HMCN2: variants seen among roughly 807,000 people sequenced by gnomAD.
HMCN2 encodes the protein hemicentin 2.
HMCN2 carries 325 observed loss-of-function variants against 377.5 expected under a neutral mutation model. The observed-to-expected ratio is 0.86, with a 90% CI of 0.79 to 0.94. HMCN2 has a LOEUF of 0.94. Among genes scored for constraint, HMCN2 ranks in the 40% least tolerant of loss-of-function variants. The pLI, the probability that HMCN2 is intolerant of heterozygous loss-of-function variation, is 0.00. For synonymous variants in HMCN2, 2,007 were observed against 2,046.8 expected (o/e 0.98, Z 0.53); for missense variants, 4,543 against 4,725.3 (o/e 0.96, Z 1.13).
Position 130,355,843 on chromosome 9 carries a change from A to G in HMCN2, c.5244A>G (p.Val1748=), listed in dbSNP as rs1564810276. ...ELPCQASGSP[V]PTIQWLQNGR... ...CCTGCCAGGCCTCAGGCTCCCCAGTACCCACTATCCAGTGAGTCTGGGGTG... is the reference window on the plus strand; with the variant it reads ...CCTGCCAGGCCTCAGGCTCCCCAGTGCCCACTATCCAGTGAGTCTGGGGTG... The change falls in exon 33 of 98, where the codon GTA becomes GTG. Residue 1748 remains valine (V), a synonymous_variant. Transcript: ENST00000683500. 1 of 1,301,792 alleles carries G rather than the reference A, an allele frequency of 7.7e-7. No homozygotes were observed. The highest frequency in any genetic ancestry group is 1.0e-6 in the Non-Finnish European group (1 of 987,106). 80.6% of individuals were successfully genotyped at this position (1,301,792 alleles called of 1,614,324 possible). A position where few individuals can be genotyped will look rare whatever the true frequency, so the allele number is the denominator to read the frequency against.
At chr9:130,385,441 C>A (rs1588364583) in intron 59 of HMCN2, 119 bp from the exon 60 acceptor site, 7 of 577,248 alleles carry the variant, frequency 1.2e-5, no homozygotes, top group South Asian at 1.1e-4. Context: ...CTGCGCCAGC[C>A]CCCGGGGCTG....
chr9:130,411,543 T>C (rs1336753107), intron 85 of HMCN2, among the ~76,000 whole-genome samples: 2 of 137,830 alleles, frequency 1.5e-5, no homozygotes, highest in East Asian at 4.2e-4. Flanking sequence ...GAGGTTGCAG[T>C]GAGCCAAGAT....
At chr9:130,270,952 G>T (rs115785397) in intron 1 of HMCN2, among the ~76,000 whole-genome samples, 2,506 of 149,008 alleles carry the variant, frequency 0.017, 103 homozygotes, top group African/African-American at 0.057. Context: ...GTCTTCTTCA[G>T]CTCCTCAGGT....
chr9:130,336,462 G>A (rs1298676754), intron 22 of HMCN2, among the ~76,000 whole-genome samples: 1 of 152,318 alleles, frequency 6.6e-6, no homozygotes, highest in East Asian at 1.9e-4. Flanking sequence ...ACAACCCTGT[G>A]AGCATTGAGC....
intron 43 of HMCN2, among the ~76,000 whole-genome samples, chr9:130,367,082 G>T (rs761582518): frequency 2.6e-5 from 4 of 152,122 alleles, no homozygotes; most frequent in Non-Finnish European, 5.9e-5. Context: ...TAAGTGCAAG[G>T]GTCCTGGGGC....
At chr9:130,381,168 A>T (rs928520175) in intron 54 of HMCN2, among the ~76,000 whole-genome samples, 1 of 152,028 alleles carries the variant, frequency 6.6e-6, no homozygotes, top group Non-Finnish European at 1.5e-5. Flanking sequence ...CCTTACACTG[A>T]CCTCAAACAT....
At chr9:130,293,150 T>A (rs1457775057) in intron 4 of HMCN2, among the ~76,000 whole-genome samples, 2 of 152,122 alleles carry the variant, frequency 1.3e-5, no homozygotes, top group African/African-American at 4.8e-5. Flanking sequence ...TTACATTTGT[T>A]TATAAGAAAA....
intron 7 of HMCN2, 128 bp from the exon 8 acceptor site, chr9:130,298,897 A>G (rs1554933093): frequency 2.7e-6 from 1 of 363,960 alleles, no homozygotes; most frequent in East Asian, 7.5e-5. Context: ...TAGGTAGGGA[A>G]GGAGGGACCA....
At chr9:130,413,490 T>C (rs964306418) in intron 85 of HMCN2, among the ~76,000 whole-genome samples, 6 of 152,172 alleles carry the variant, frequency 3.9e-5, no homozygotes, top group Non-Finnish European at 7.3e-5. Context: ...GACAAGATGG[T>C]ATAGATGCAC....
At position 130,356,219 on chromosome 9, in the gene HMCN2, C is replaced by T. The variant is rs773254072; in HGVS notation, c.5387C>T (p.Ala1796Val). The change falls in exon 34 of 98, where the codon GCG (alanine) becomes GTG (valine). Residue 1796 changes from alanine to valine, a missense_variant. Physicochemically the swap from Ala to Val is moderately conservative, Grantham distance 64. Coordinates refer to ENST00000683500, the MANE Select transcript of HMCN2 (RefSeq NM_001291815.2). The stretch of plus-strand genomic sequence containing the variant: ...TTCGCCTGCCAGGCCACCAATGAGG[C>T]GGGCACTGCCGGGGCCGAGGTGGAG... ...GLFACQATNE[A>V]GTAGAEVEVS... 12 of 1,302,346 alleles carry T rather than the reference C, an allele frequency of 9.2e-6. No homozygotes were observed. Among genetic ancestry groups the T allele is most frequent in the Middle Eastern group, 4.4e-4 (2 of 4,552 alleles). 80.7% of individuals were successfully genotyped at this position (1,302,346 alleles called of 1,614,324 possible). A position where few individuals can be genotyped will look rare whatever the true frequency, so the allele number is the denominator to read the frequency against.
chr9:130,392,242 G>T (rs959802128), intron 66 of HMCN2, 124 bp downstream of exon 66: 3 of 654,386 alleles, frequency 4.6e-6, no homozygotes, highest in Non-Finnish European at 5.7e-6. Flanking sequence ...CCCACAGCGA[G>T]TGTGGACTGC....
rs781869591 is a variant in HMCN2 at position 130,304,714 on chromosome 9, G to A, written c.1544-16G>A. The A allele has an allele frequency of 6.6e-6, 3 of 456,900 alleles. No individual in the cohort carries two copies. The highest frequency in any genetic ancestry group is 3.2e-5 in the South Asian group (2 of 63,396). The allele number at this position is 456,900 out of a possible 1,614,324, so 28.3% of individuals were successfully genotyped here. A position where few individuals can be genotyped will look rare whatever the true frequency, so the allele number is the denominator to read the frequency against. ...GCCTCAGCTCCTTGGTTCCTCCTGT[G>A]CTCATGTCCCTGCAGACCCCCCGCC... is the stretch of plus-strand genomic sequence containing the variant. On this transcript the variant is annotated splice_polypyrimidine_tract_variant and intron_variant, in intron 10 of 97. Coordinates refer to ENST00000683500, the MANE Select transcript of HMCN2 (RefSeq NM_001291815.2). This position sits in a 1 kb window ranked among gnomAD's most constrained non-coding sequence, Gnocchi z 4.3.
chr9:130,397,515 C>T lies in HMCN2; in HGVS notation c.11199-13C>T, dbSNP rs1842664017. 3.9e-6 allele frequency: 5 copies of T among 1,289,632 alleles called. No homozygotes were observed. The highest frequency in any genetic ancestry group is 2.1e-4 in the Middle Eastern group (1 of 4,716). The allele number at this position is 1,289,632 out of a possible 1,614,324, so 79.9% of individuals were successfully genotyped here. A position where few individuals can be genotyped will look rare whatever the true frequency, so the allele number is the denominator to read the frequency against. ...GGCTTGCTCATCTCCAGGGCAACCC[C>T]CATCCATTCTAGGTTTGAAATTCTG... On this transcript the variant is annotated splice_polypyrimidine_tract_variant and intron_variant, in intron 73 of 97. Transcript: ENST00000683500.
intron 35 of HMCN2, among the ~76,000 whole-genome samples, chr9:130,358,189 G>T (rs552507737): frequency 6.6e-6 from 1 of 152,324 alleles, no homozygotes; most frequent in South Asian, 2.1e-4. Flanking sequence ...ATGTCAGTGG[G>T]GGGGACAGGG....
At chr9:130,310,245 G>T (rs1225786074) in intron 15 of HMCN2, among the ~76,000 whole-genome samples, 184 bp downstream of exon 15, 1 of 152,178 alleles carries the variant, frequency 6.6e-6, no homozygotes, top group Non-Finnish European at 1.5e-5. Context: ...GCTCTTGCTG[G>T]GTAACAAATA....
chr9:130,332,828 G>A (rs1196559460), intron 22 of HMCN2, among the ~76,000 whole-genome samples: 3 of 152,360 alleles, frequency 2.0e-5, no homozygotes, highest in Non-Finnish European at 2.9e-5. Context: ...TCTGTTGAGT[G>A]TTGCCTGACT....
chr9:130,280,584 C>T (rs1835060975), intron 1 of HMCN2, among the ~76,000 whole-genome samples: 1 of 152,042 alleles, frequency 6.6e-6, no homozygotes, highest in African/African-American at 2.4e-5. Context: ...CCAGGGGATC[C>T]TTCCTATTAA....
chr9:130,279,034 A>T (rs1258157371), intron 1 of HMCN2, among the ~76,000 whole-genome samples: 1 of 150,864 alleles, frequency 6.6e-6, no homozygotes, highest in African/African-American at 2.5e-5. Context: ...AGTAGCTGGG[A>T]TTACAGGCAT....
chr9:130,421,880 T>C (rs1055778155), intron 86 of HMCN2, among the ~76,000 whole-genome samples: 1 of 152,258 alleles, frequency 6.6e-6, no homozygotes, highest in African/African-American at 2.4e-5. Flanking sequence ...AATTTGTTGC[T>C]AATTTCCCCT....
Sources: allele counts gnomAD v4.1 joint callset (sites outside exome capture counted in the v4.1 genomes callset), GRCh38; gene constraint gnomAD v4.1.1; non-coding constraint Gnocchi (gnomAD v3.1); transcripts MANE v1.5; gene names NCBI Gene and HGNC (gene_info 2026-07-23, HGNC 2026-07-21).